The following ZSCAN25 variants were observed in gnomAD, a reference collection of about 807,000 sequenced individuals.
ZSCAN25 encodes zinc finger and SCAN domain-containing protein 25.
Under a neutral mutation model 38.7 loss-of-function variants are expected in ZSCAN25, and 27 were observed. The observed-to-expected ratio is 0.70, with a 90% confidence interval of 0.51 to 0.96. The LOEUF (loss-of-function observed/expected upper bound fraction) is 0.96, where lower values mean the gene tolerates loss of function less well. Ranked by LOEUF, ZSCAN25 falls within the 40% of genes least tolerant of loss-of-function variation. The pLI is 0.00. For synonymous variants in ZSCAN25, 273 were observed against 277.7 expected (o/e 0.98, Z 0.17); for missense variants, 637 against 705.9 (o/e 0.90, Z 1.11).
chr7:99,665,279 C>G, the ZSCAN25 span: 105 of 1,613,952 alleles, frequency 6.5e-5, no homozygotes, highest in Non-Finnish European at 8.7e-5. Context: ...AAATGATGTG[C>G]CAGTAATCAC....
At chr7:99,729,472 T>C in the ZSCAN25 span, among the ~76,000 whole-genome samples, 2 of 152,222 alleles carry the variant, frequency 1.3e-5, no homozygotes, top group East Asian at 3.9e-4. Context: ...TTGCCACTAT[T>C]TTGTTTTATT....
At chr7:99,663,180 G>C in the ZSCAN25 span, 1 of 1,130,542 alleles carries the variant, frequency 8.8e-7, no homozygotes, top group African/African-American at 1.6e-5. Flanking sequence ...AGAGTTGCCG[G>C]TTCCATCTCT....
downstream of ZSCAN25, among the ~76,000 whole-genome samples, chr7:99,634,790 C>T (rs930914126): frequency 1.3e-5 from 2 of 151,978 alleles, no homozygotes; most frequent in African/African-American, 4.8e-5. Flanking sequence ...GAGTGAGACT[C>T]CGTCTCAAAA....
the ZSCAN25 span, chr7:99,672,818 T>C: frequency 6.7e-7 from 1 of 1,492,070 alleles, no homozygotes; most frequent in Non-Finnish European, 8.9e-7. Context: ...CCTTAGGTTC[T>C]AGTTCATTAG....
the ZSCAN25 span, chr7:99,672,489 A>T: frequency 8.9e-7 from 1 of 1,129,190 alleles, no homozygotes; most frequent in Non-Finnish European, 1.3e-6. Context: ...TACATTTTTT[A>T]GGTAACCTTC....
chr7:99,721,809 CAAA>C, the ZSCAN25 span, among the ~76,000 whole-genome samples: 1 of 152,070 alleles, frequency 6.6e-6, no homozygotes, highest in Non-Finnish European at 1.5e-5. Context: ...ACAAATAAAT[CAAA>C]GAAGGCTATG....
intron 7 of ZSCAN25, among the ~76,000 whole-genome samples, chr7:99,626,229 T>C (rs1807458855): frequency 6.6e-6 from 1 of 152,174 alleles, no homozygotes; most frequent in African/African-American, 2.4e-5. Context: ...CTCTGCAGGC[T>C]GGTTCCCAGG....
the ZSCAN25 span, chr7:99,648,499 G>A: frequency 1.3e-5 from 9 of 706,860 alleles, no homozygotes; most frequent in Admixed American, 2.8e-5. Context: ...TGCTTTGCAA[G>A]CATATAAAAA....
downstream of ZSCAN25, among the ~76,000 whole-genome samples, chr7:99,634,257 T>C (rs1808177751): frequency 6.6e-6 from 1 of 152,250 alleles, no homozygotes; most frequent in Admixed American, 6.5e-5. Context: ...CATGTCATAG[T>C]GTGTGCTATG....
Position 99,630,718 on chromosome 7 carries a change from A to C in ZSCAN25, c.*698A>C. ...CATTATTTGGAGCCTCATCTGTGTC[A>C]GGCTATAACATTCTATCCTCATCTG... is the stretch of plus-strand genomic sequence containing the variant. On this transcript the variant is annotated 3_prime_UTR_variant, in exon 8 of 8. Transcript: ENST00000394152. 3 of 985,478 alleles carry C rather than the reference A, an allele frequency of 3.0e-6. No homozygotes were observed. The South Asian group carries it at 1.4e-4, about 46-fold the overall frequency. The allele number at this position is 985,478 out of a possible 1,614,324, so 61.0% of individuals were successfully genotyped here.
the ZSCAN25 span, among the ~76,000 whole-genome samples, chr7:99,713,040 G>C: frequency 2.0e-5 from 3 of 152,192 alleles, no homozygotes; most frequent in African/African-American, 7.2e-5. Context: ...GGATAGCATG[G>C]CTCCTGATTA....
the ZSCAN25 span, among the ~76,000 whole-genome samples, chr7:99,669,266 A>T: frequency 2.0e-5 from 3 of 152,216 alleles, no homozygotes; most frequent in Non-Finnish European, 4.4e-5. Context: ...TACAATTTGA[A>T]GAGGCATTAT....
At chr7:99,649,377 A>G in the ZSCAN25 span, among the ~76,000 whole-genome samples, 1 of 152,238 alleles carries the variant, frequency 6.6e-6, no homozygotes, top group African/African-American at 2.4e-5. Context: ...CTATTGCTTA[A>G]TATGAATCAA....
chr7:99,677,177 C>T, the ZSCAN25 span: 1 of 985,380 alleles, frequency 1.0e-6, no homozygotes, highest in Non-Finnish European at 1.2e-6. Flanking sequence ...GCAAACTCCT[C>T]CAACTGATGG....
At chr7:99,731,738 A>G in the ZSCAN25 span, among the ~76,000 whole-genome samples, 24 of 152,146 alleles carry the variant, frequency 1.6e-4, no homozygotes, top group African/African-American at 5.1e-4. Context: ...ATTCACAGAG[A>G]GGTCTTGGAG....
chr7:99,654,247 A>G, the ZSCAN25 span, among the ~76,000 whole-genome samples: 2 of 151,890 alleles, frequency 1.3e-5, no homozygotes, highest in Admixed American at 1.3e-4. Flanking sequence ...CCACCCCAAA[A>G]CAGGCCCCAG....
the ZSCAN25 span, chr7:99,695,659 C>G: frequency 1.8e-6 from 2 of 1,117,962 alleles, no homozygotes; most frequent in Non-Finnish European, 2.6e-6. Context: ...CTCAGACCTT[C>G]CTCCTGAGGA....
chr7:99,624,417 C>A, intron 7 of ZSCAN25: 1 of 539,338 alleles, frequency 1.9e-6, no homozygotes, highest in Non-Finnish European at 3.3e-6. Context: ...ACAGGTCGGT[C>A]ATGAGGACCC....
At chr7:99,620,498 A>G (rs1806861548) in intron 4 of ZSCAN25, 1 of 157,298 alleles carries the variant, frequency 6.4e-6, no homozygotes, top group African/African-American at 2.4e-5. Flanking sequence ...GGTTCCAGCC[A>G]TATTTCGGTC....
Sources: gnomAD v4.1 joint callset for allele counts (sites outside exome capture counted in the v4.1 genomes callset) on GRCh38, gnomAD v4.1.1 for gene constraint, MANE v1.5 for transcripts, NCBI Gene and HGNC (gene_info 2026-07-23, HGNC 2026-07-21) for gene names.